SLC49A3: variants seen among roughly 807,000 people sequenced by gnomAD.
SLC49A3 encodes the protein solute carrier family 49 member 3.
A neutral mutation model predicts 43.8 loss-of-function variants in SLC49A3; 50 were observed. The observed-to-expected ratio is 1.14, with a 90% confidence interval of 0.91 to 1.45. The LOEUF is 1.45. Among genes scored for constraint, SLC49A3 ranks in the 40% most tolerant of loss-of-function variants. The pLI is 0.00. For missense variants in SLC49A3, 906 were observed against 774.1 expected, an observed-to-expected ratio of 1.17 and a Z score of -2.02; for synonymous variants, 413 against 352.0, an observed-to-expected ratio of 1.17 and a Z score of -1.94.
At chr4:678,535 C>T (rs546458755), downstream of SLC49A3, 53 of 1,464,064 alleles carry the variant, frequency 3.6e-5, no homozygotes, top group Middle Eastern at 1.0e-3. Context: ...AGCTGTCTGG[C>T]CCCCTCCAGC....
chr4:680,406 T>G, downstream of SLC49A3: 1 of 1,193,528 alleles, frequency 8.4e-7, no homozygotes. Flanking sequence ...AGGCTTGGAG[T>G]CTCCCCCTGC....
At position 684,245 on chromosome 4, in the gene SLC49A3, C is replaced by T. The variant is rs574506613; in HGVS notation, c.840+238G>A. Among the ~76,000 whole-genome samples, 34 of 152,186 alleles carry T rather than the reference C, an allele frequency of 2.2e-4. 1 individual carries two copies. The highest frequency in any genetic ancestry group is 7.7e-4 in the African/African-American group (32 of 41,538). On this transcript the variant is annotated intron_variant, in intron 6 of 9. Transcript: ENST00000322224. ...CCCCACCTTCCCATCCACAGGGCAC[C>T]GTCAGTCCCTCCGCTCCGTCCCACA...
At chr4:684,915 AG>A in intron 4 of SLC49A3, 59 bp from the exon 5 acceptor site, 1 of 1,549,584 alleles carries the variant, frequency 6.5e-7, no homozygotes, top group Non-Finnish European at 8.7e-7. Flanking sequence ...CACACGCCGC[AG>A]CCCTGCCTGT....
chr4:680,680 C>T (rs1335454493), downstream of SLC49A3: 17 of 1,297,202 alleles, frequency 1.3e-5, no homozygotes, highest in African/African-American at 4.4e-5. Context: ...CCAGATGCCA[C>T]GCCCACCTCC....
At chr4:680,749 A>G, downstream of SLC49A3, 2 of 743,392 alleles carry the variant, frequency 2.7e-6, no homozygotes, top group Non-Finnish European at 4.4e-6. Context: ...GCTGAGTGGG[A>G]GGCCAGCCCT....
intron 3 of SLC49A3, 42 bp downstream of exon 3, chr4:686,045 CCT>C: frequency 6.2e-7 from 1 of 1,611,016 alleles, no homozygotes. Flanking sequence ...CTGTGTGGAC[CCT>C]GAGGTGAGCC....
At chr4:683,406 G>C in intron 7 of SLC49A3, 39 bp from the exon 8 acceptor site, 2 of 1,591,934 alleles carry the variant, frequency 1.3e-6, no homozygotes, top group Non-Finnish European at 1.7e-6. Flanking sequence ...GGTGGAGGGG[G>C]TGGCAGTCAG....
downstream of SLC49A3, chr4:678,133 G>A (rs965804303): frequency 4.6e-5 from 72 of 1,560,398 alleles, 1 homozygote; most frequent in South Asian, 8.3e-4. Context: ...GTGCTTGCGT[G>A]TGAATGCAGG....
chr4:687,319 C>G (rs1741250247), intron 1 of SLC49A3: 2 of 152,520 alleles, frequency 1.3e-5, no homozygotes, highest in Non-Finnish European at 2.9e-5. Context: ...GGCCGTGTCA[C>G]TCAAGGTCAA....
At chr4:690,129 CAGGCTAATGATG>C (rs1741756785), upstream of SLC49A3, among the ~76,000 whole-genome samples, 1 of 152,176 alleles carries the variant, frequency 6.6e-6, no homozygotes, top group Non-Finnish European at 1.5e-5. Context: ...TGAGTCTGAA[CAGGCTAATGATG>C]AGGCCCCAGC....
chr4:676,913 C>G (rs1214509817), downstream of SLC49A3: 26 of 985,406 alleles, frequency 2.6e-5, no homozygotes, highest in Non-Finnish European at 3.0e-5. Flanking sequence ...GCCGCTGGAC[C>G]TGGGGATGGC....
At chr4:687,037 C>A (rs1325977276) in intron 1 of SLC49A3, among the ~76,000 whole-genome samples, 2 of 152,224 alleles carry the variant, frequency 1.3e-5, no homozygotes, top group African/African-American at 2.4e-5. Flanking sequence ...CAGCTAGAAC[C>A]TCTGGGACTG....
chr4:678,312 C>A (rs888666209), downstream of SLC49A3: 1 of 1,428,822 alleles, frequency 7.0e-7, no homozygotes. Flanking sequence ...TCACAAAATC[C>A]CGGTACCCAG....
downstream of SLC49A3, chr4:678,682 G>A (rs1310776868): frequency 8.1e-6 from 13 of 1,610,862 alleles, no homozygotes; most frequent in Non-Finnish European, 1.1e-5. Flanking sequence ...CAAGAAGAAG[G>A]AAGGGGGTGC....
chr4:685,137 A>G lies in SLC49A3; in HGVS notation c.586-281T>C. The stretch of plus-strand genomic sequence containing the variant: ...GGCTCCAGACTTACATCTCACTGCC[A>G]GCTGCACAGCCCATGATAGGGCTCA... On this transcript the variant is annotated intron_variant, in intron 4 of 9. Transcript: ENST00000322224. This position sits in a 1 kb window ranked among gnomAD's most constrained non-coding sequence, Gnocchi z 4.3. 2.0e-6 allele frequency: 1 copy of G among 511,404 alleles called. No homozygotes were observed. The allele number at this position is 511,404 out of a possible 1,614,324, so 31.7% of individuals were successfully genotyped here. A position where few individuals can be genotyped will look rare whatever the true frequency, so the allele number is the denominator to read the frequency against.
chr4:678,076 C>A (rs201842021), downstream of SLC49A3: 859 of 1,609,200 alleles, frequency 5.3e-4, no homozygotes, highest in Non-Finnish European at 7.0e-4. Context: ...TGGGTGTGAG[C>A]TGTGCTGTGC....
In SLC49A3 at chr4:682,201, A is replaced by G. The variant is rs1420442471; in HGVS notation, c.1437T>C (p.Ala479=). 2.2e-6 allele frequency: 3 copies of G among 1,371,384 alleles called. No individual in the cohort carries two copies. The highest frequency in any genetic ancestry group is 3.0e-5 in the Admixed American group (1 of 33,560). The allele number at this position is 1,371,384 out of a possible 1,614,324, so 85.0% of individuals were successfully genotyped here. A position where few individuals can be genotyped will look rare whatever the true frequency, so the allele number is the denominator to read the frequency against. ...TCGCCGTGCTGGGCCCCAGGACCCCAGCCCTTCCTGCTCCCCCTCGGTCCA... is the reference window on the plus strand; with the variant it reads ...TCGCCGTGCTGGGCCCCAGGACCCCGGCCCTTCCTGCTCCCCCTCGGTCCA... ...PGVDRGGAGR[A]GVLGPSTATP... is the part of the protein sequence containing the mutation. The change falls in exon 10 of 10, where the codon GCT becomes GCC. Residue 479 remains alanine, a synonymous_variant. Coordinates refer to ENST00000322224, the MANE Select transcript of SLC49A3 (RefSeq NM_032219.4).
intron 5 of SLC49A3, 51 bp from the exon 6 acceptor site, chr4:684,650 C>G (rs1740613984): frequency 6.2e-7 from 1 of 1,609,724 alleles, no homozygotes; most frequent in African/African-American, 1.3e-5. Flanking sequence ...CTTCCCAAAC[C>G]CATCGCCTCC....
downstream of SLC49A3, chr4:677,832 C>G: frequency 1.2e-6 from 1 of 855,332 alleles, no homozygotes; most frequent in Non-Finnish European, 1.9e-6. Flanking sequence ...CGGGGTGAGG[C>G]AGGGCAAGGG....
Sources: allele counts gnomAD v4.1 joint callset (sites outside exome capture counted in the v4.1 genomes callset), GRCh38; gene constraint gnomAD v4.1.1; non-coding constraint Gnocchi (gnomAD v3.1); transcripts MANE v1.5; gene names NCBI Gene and HGNC (gene_info 2026-07-23, HGNC 2026-07-21).